Variants in CNTN3 observed in about 807,000 individuals in gnomAD.
CNTN3 encodes contactin 3, also known as contactin-3.
A neutral mutation model predicts 119.1 loss-of-function variants in CNTN3; 60 were observed. That is an observed-to-expected ratio of 0.50 (90% CI 0.41 to 0.62). CNTN3 has a LOEUF of 0.62. CNTN3 is among the 20% of genes least tolerant of loss of function. The pLI, the probability that CNTN3 is intolerant of heterozygous loss-of-function variation, is 0.00. For missense variants in CNTN3, 1,101 were observed against 1,242.4 expected, an observed-to-expected ratio of 0.89 and a Z score of 1.71; for synonymous variants, 450 against 438.7, an observed-to-expected ratio of 1.03 and a Z score of -0.32.
Position 74,276,358 on chromosome 3 carries a change from A to G in CNTN3, c.2704+8947T>C, listed in dbSNP as rs78781969. Among the ~76,000 whole-genome samples the G allele has an allele frequency of 2.9e-3, 435 of 152,268 alleles. 27 individuals carry two copies. In the East Asian group the frequency reaches 0.073, roughly 26 times the overall value. On this transcript the variant is annotated intron_variant, in intron 20 of 22. Transcript: ENST00000263665. ...ACACATTCTATTCAACAGTGAAGGG[A>G]ACTTTCTTCAAGATAGACCAAATGA... is the stretch of plus-strand genomic sequence containing the variant.
At chr3:74,506,541 T>A (rs1338810415) in intron 2 of CNTN3, among the ~76,000 whole-genome samples, 3 of 152,202 alleles carry the variant, frequency 2.0e-5, no homozygotes, top group Admixed American at 2.0e-4. Context: ...ATTTTCTTTT[T>A]ATGAATGTGA....
chr3:74,430,148 C>T (rs888329938), intron 4 of CNTN3, among the ~76,000 whole-genome samples: 1 of 152,154 alleles, frequency 6.6e-6, no homozygotes, highest in African/African-American at 2.4e-5. Flanking sequence ...GGGCATTTAT[C>T]CTAGAGAAAT....
intron 16 of CNTN3, among the ~76,000 whole-genome samples, chr3:74,301,110 T>A (rs1702444099): frequency 6.6e-6 from 1 of 152,218 alleles, no homozygotes; most frequent in South Asian, 2.1e-4. Context: ...ACAGGGTAAC[T>A]ATGTCAGACA....
chr3:74,549,443 C>G (rs755374241), intron 1 of CNTN3, among the ~76,000 whole-genome samples: 3 of 152,070 alleles, frequency 2.0e-5, no homozygotes, highest in Non-Finnish European at 4.4e-5. Context: ...TGGACTGATA[C>G]ACAGACCAAA....
At chr3:74,496,583 G>A (rs1054604135) in intron 3 of CNTN3, among the ~76,000 whole-genome samples, 2 of 151,448 alleles carry the variant, frequency 1.3e-5, no homozygotes, top group African/African-American at 2.4e-5. Flanking sequence ...CAGCAGCAGC[G>A]ACCAGGGATT....
chr3:74,456,032 A>T (rs1702262350), intron 4 of CNTN3, among the ~76,000 whole-genome samples: 1 of 152,100 alleles, frequency 6.6e-6, no homozygotes, highest in South Asian at 2.1e-4. Flanking sequence ...CAGATGCCCT[A>T]AAACAGAATA....
intron 5 of CNTN3, among the ~76,000 whole-genome samples, chr3:74,384,765 AC>A (rs752211908): frequency 3.9e-5 from 6 of 152,160 alleles, no homozygotes; most frequent in Non-Finnish European, 8.8e-5. Flanking sequence ...ACTCTGTGGG[AC>A]TTGAGTCCTC....
chr3:74,435,571 G>C (rs1271133485), intron 4 of CNTN3, among the ~76,000 whole-genome samples: 1 of 152,138 alleles, frequency 6.6e-6, no homozygotes, highest in East Asian at 1.9e-4. Context: ...ACACTCTTAT[G>C]AAGTCATAAG....
At chr3:74,353,213 C>A (rs980985796) in intron 11 of CNTN3, among the ~76,000 whole-genome samples, 3 of 152,142 alleles carry the variant, frequency 2.0e-5, no homozygotes, top group African/African-American at 7.2e-5. Context: ...CTAGACACAT[C>A]TTTATCAAAG....
chr3:74,277,933 T>C (rs1244535181), intron 20 of CNTN3, among the ~76,000 whole-genome samples: 3 of 151,276 alleles, frequency 2.0e-5, no homozygotes, highest in African/African-American at 7.3e-5. Context: ...GATACAAGAT[T>C]AAGGTACACA....
At chr3:74,470,765 T>C (rs768471763) in intron 4 of CNTN3, among the ~76,000 whole-genome samples, 4 of 152,194 alleles carry the variant, frequency 2.6e-5, no homozygotes, top group Non-Finnish European at 5.9e-5. Context: ...TCCTCCCTGT[T>C]ACCCCTCTCA....
At chr3:74,387,412 G>T (rs1408010367) in intron 5 of CNTN3, among the ~76,000 whole-genome samples, 1 of 152,172 alleles carries the variant, frequency 6.6e-6, no homozygotes, top group East Asian at 1.9e-4. Context: ...AACTCATCTG[G>T]TCTCCCTTGA....
chr3:74,565,648 G>A (rs755914958), intron 1 of CNTN3, among the ~76,000 whole-genome samples: 1 of 152,092 alleles, frequency 6.6e-6, no homozygotes, highest in South Asian at 2.1e-4. Context: ...AACCTCCAAC[G>A]TGACATTAGA....
Position 74,336,620 on chromosome 3 carries a change from T to C in CNTN3, c.1403A>G (p.Asn468Ser), listed in dbSNP as rs1703402502. Residue 468 changes from asparagine (N) to serine (S), a missense_variant, in exon 12 of 23, where the codon AAT becomes AGT. Asn to Ser is a conservative substitution (Grantham distance 46). Transcript: ENST00000263665. ...AGTTCCAGCATCAGCTTTAGTCACATTGGCTATTTTGAGTCCTCCATCGTT... is the reference window on the plus strand; with the variant it reads ...AGTTCCAGCATCAGCTTTAGTCACACTGGCTATTTTGAGTCCTCCATCGTT... ...LLNDGGLKIA[N>S]VTKADAGTYT... The C allele has an allele frequency of 4.3e-6, 7 of 1,611,674 alleles. No homozygotes were observed. Among genetic ancestry groups the C allele is most frequent in the Non-Finnish European group, 3.4e-6 (4 of 1,178,290 alleles).
At chr3:74,382,381 C>T (rs1446148637) in intron 5 of CNTN3, among the ~76,000 whole-genome samples, 1 of 152,114 alleles carries the variant, frequency 6.6e-6, no homozygotes, top group Non-Finnish European at 1.5e-5. Context: ...GTGAAATATA[C>T]TCTTAGCAAT....
intron 4 of CNTN3, among the ~76,000 whole-genome samples, chr3:74,432,856 AC>A (rs1471435668): frequency 1.1e-4 from 16 of 152,276 alleles, no homozygotes; most frequent in Non-Finnish European, 2.9e-5. Flanking sequence ...TTATGTATAA[AC>A]CCCCTAAGGG....
At chr3:74,598,969 A>C (rs1319479450) in intron 1 of CNTN3, among the ~76,000 whole-genome samples, 1 of 152,098 alleles carries the variant, frequency 6.6e-6, no homozygotes, top group East Asian at 1.9e-4. Flanking sequence ...TTTAAAATCT[A>C]AATATAACTA....
intron 5 of CNTN3, among the ~76,000 whole-genome samples, chr3:74,400,849 T>C (rs1048991423): frequency 1.3e-5 from 2 of 152,150 alleles, no homozygotes; most frequent in Non-Finnish European, 2.9e-5. Flanking sequence ...CAGCAATAAC[T>C]ACAAGACTTT....
At position 74,389,970 on chromosome 3, in the gene CNTN3, C is replaced by T. The variant is rs544118240; in HGVS notation, c.455-18571G>A. On this transcript the variant is annotated intron_variant, in intron 5 of 22. Coordinates refer to ENST00000263665, the MANE Select transcript of CNTN3 (RefSeq NM_020872.3). ...CATAATTAGGATTCTTGGGAAGAAG[C>T]ATGGTGATAATTTGTAGGAGACAAC... is the stretch of plus-strand genomic sequence containing the variant. Among the ~76,000 whole-genome samples the T allele has an allele frequency of 2.6e-5, 4 of 152,260 alleles. No homozygotes were observed. The East Asian group carries it at 7.7e-4, about 29-fold the overall frequency.
Sources: allele counts gnomAD v4.1 joint callset (sites outside exome capture counted in the v4.1 genomes callset), GRCh38; gene constraint gnomAD v4.1.1; transcripts MANE v1.5; gene names NCBI Gene and HGNC (gene_info 2026-07-23, HGNC 2026-07-21).